Variants in ERBB4 observed in about 807,000 individuals in gnomAD.
ERBB4 encodes the protein erb-b2 receptor tyrosine kinase 4.
A neutral mutation model predicts 158.0 loss-of-function variants in ERBB4; 42 were observed. The observed-to-expected ratio is 0.27, with a 90% CI of 0.21 to 0.34. The LOEUF is 0.34. Among genes scored for constraint, ERBB4 ranks in the 10% least tolerant of loss-of-function variants. The pLI, the probability that ERBB4 is intolerant of heterozygous loss-of-function variation, is 1.00. For synonymous variants in ERBB4, 583 were observed against 558.7 expected, an observed-to-expected ratio of 1.04 and a Z score of -0.61; for missense variants, 1,333 against 1,624.1, an observed-to-expected ratio of 0.82 and a Z score of 3.08.
chr2:211,478,832 C>A (rs530803217), intron 20 of ERBB4, among the ~76,000 whole-genome samples: 1 of 152,128 alleles, frequency 6.6e-6, no homozygotes, highest in Non-Finnish European at 1.5e-5. Context: ...TCTTCAGAAA[C>A]AAAACCAATT....
intron 25 of ERBB4, among the ~76,000 whole-genome samples, chr2:211,390,916 C>G (rs1385381040): frequency 1.3e-5 from 2 of 152,108 alleles, no homozygotes; most frequent in African/African-American, 4.8e-5. Context: ...TTTCTGTTTC[C>G]ATTTTTTCAG....
chr2:211,445,205 C>T (rs2125462135), intron 20 of ERBB4, among the ~76,000 whole-genome samples: 1 of 152,190 alleles, frequency 6.6e-6, no homozygotes, highest in Admixed American at 6.6e-5. Context: ...TCAGATTTGG[C>T]AGTTGTGTGG....
chr2:211,393,740 C>CGTGTGT (rs58472959), intron 25 of ERBB4, among the ~76,000 whole-genome samples: 53 of 146,352 alleles, frequency 3.6e-4, no homozygotes, highest in Admixed American at 9.6e-4. Flanking sequence ...GAGTTAATAG[C>CGTGTGT]GTGTGTGTGT....
intron 19 of ERBB4, among the ~76,000 whole-genome samples, chr2:211,610,038 A>G (rs1227653041): frequency 6.6e-6 from 1 of 152,034 alleles, no homozygotes; most frequent in Non-Finnish European, 1.5e-5. Flanking sequence ...TTGTAATACC[A>G]TTTTTAGCAA....
chr2:212,009,934 G>A (rs1219394686), intron 2 of ERBB4, among the ~76,000 whole-genome samples: 1 of 152,118 alleles, frequency 6.6e-6, no homozygotes, highest in East Asian at 1.9e-4. Flanking sequence ...AGCCATATCT[G>A]TATTCTAATT....
chr2:212,327,420 T>C (rs1247102990), intron 1 of ERBB4, among the ~76,000 whole-genome samples: 1 of 151,926 alleles, frequency 6.6e-6, no homozygotes, highest in Non-Finnish European at 1.5e-5. Context: ...TAATGAGTTA[T>C]GGACTCTGAG....
At position 212,414,640 on chromosome 2, in the gene ERBB4, G is replaced by T. The variant is rs370483489; in HGVS notation, c.82+123809C>A. On this transcript the variant is annotated intron_variant, in intron 1 of 27. Transcript: ENST00000342788. Reference sequence around the variant, plus strand: ...ATTTCTAATCCTAATAAAAATATGAGGTTTAGCAATTCCTTCCTGGTCCTG... The same window carrying T: ...ATTTCTAATCCTAATAAAAATATGATGTTTAGCAATTCCTTCCTGGTCCTG... Among the ~76,000 whole-genome samples the T allele has an allele frequency of 8.6e-4, 131 of 152,214 alleles. 1 individual carries two copies. The South Asian group carries it at 0.027, about 31-fold the overall frequency.
chr2:211,741,452 T>TACACACACACACAC lies in ERBB4; in HGVS notation c.622+9173_622+9186dup, dbSNP rs5838279. Among the ~76,000 whole-genome samples, 475 of 143,284 alleles carry TACACACACACACAC rather than the reference T, an allele frequency of 3.3e-3. 3 individuals are homozygous for TACACACACACACAC. The highest frequency in any genetic ancestry group is 8.8e-3 in the African/African-American group (335 of 38,152). 94.0% of individuals were successfully genotyped at this position (143,284 alleles called of 152,430 possible). On this transcript the variant is annotated intron_variant, in intron 5 of 27. Transcript: ENST00000342788. ...TAATCTATAACTATATATGTAGTTATACACACACACACACACACACACACA... is the reference window on the plus strand; with the variant it reads ...TAATCTATAACTATATATGTAGTTATACACACACACACACACACACACACACACACACACACACA...
chr2:211,430,955 T>A lies in ERBB4; in HGVS notation c.2633A>T (p.Asp878Val). ...CAAAAAGATACCCACCTTTCCTCCA[T>A]CAGCATTGTACTCTTTTTCATCTCC... ...LEGDEKEYNA[D>V]GGKMPIKWMA... Residue 878 changes from aspartate to valine, a missense_variant, in exon 21 of 28, where the codon GAT becomes GTT. Asp to Val is a radical substitution (Grantham distance 152). Transcript: ENST00000342788. 1.2e-6 allele frequency: 2 copies of A among 1,613,530 alleles called. No individual in the cohort carries two copies. The highest frequency in any genetic ancestry group is 1.7e-6 in the Non-Finnish European group (2 of 1,179,482).
chr2:212,028,960 G>A (rs2076838076), intron 2 of ERBB4, among the ~76,000 whole-genome samples: 1 of 152,052 alleles, frequency 6.6e-6, no homozygotes, highest in Non-Finnish European at 1.5e-5. Context: ...TTGAGGACTA[G>A]CTAAAACAGG....
At chr2:211,787,451 G>C (rs2076190531) in intron 4 of ERBB4, among the ~76,000 whole-genome samples, 1 of 152,158 alleles carries the variant, frequency 6.6e-6, no homozygotes, top group African/African-American at 2.4e-5. Context: ...GAGAAATTCA[G>C]TAGTTTATTC....
chr2:212,516,749 C>T (rs1691867646), intron 1 of ERBB4, among the ~76,000 whole-genome samples: 1 of 152,076 alleles, frequency 6.6e-6, no homozygotes, highest in Non-Finnish European at 1.5e-5. Context: ...GTATTAAACT[C>T]TATACTCTTG....
intron 20 of ERBB4, among the ~76,000 whole-genome samples, chr2:211,536,786 T>A (rs1337050995): frequency 6.6e-6 from 1 of 152,030 alleles, no homozygotes; most frequent in Non-Finnish European, 1.5e-5. Flanking sequence ...TCACTCTGAA[T>A]TCTTAGGACT....
At chr2:212,415,781 A>G (rs1247131044) in intron 1 of ERBB4, among the ~76,000 whole-genome samples, 1 of 152,132 alleles carries the variant, frequency 6.6e-6, no homozygotes. Context: ...GCTATTTATA[A>G]TTCTCCTCTT....
chr2:212,108,706 CTTTTTTTT>C (rs775193964), intron 2 of ERBB4, among the ~76,000 whole-genome samples: 4 of 97,054 alleles, frequency 4.1e-5, no homozygotes, highest in Non-Finnish European at 6.1e-5. Context: ...AATGGGTCTG[CTTTTTTTT>C]TTTTTTTTTT....
chr2:212,018,801 A>C (rs2076582335), intron 2 of ERBB4, among the ~76,000 whole-genome samples: 1 of 152,110 alleles, frequency 6.6e-6, no homozygotes, highest in African/African-American at 2.4e-5. Flanking sequence ...CTTGGTCAAA[A>C]CTTTAAGGGT....
intron 12 of ERBB4, among the ~76,000 whole-genome samples, chr2:211,679,737 T>G (rs979782998): frequency 1.3e-5 from 2 of 152,164 alleles, no homozygotes; most frequent in African/African-American, 4.8e-5. Flanking sequence ...CCAAGTGCAG[T>G]GGCATGATCT....
chr2:211,834,475 G>A (rs1260462043), intron 3 of ERBB4, among the ~76,000 whole-genome samples: 1 of 142,962 alleles, frequency 7.0e-6, no homozygotes, highest in African/African-American at 2.5e-5. Flanking sequence ...ATCAACAAGT[G>A]GGTCACTTAA....
At chr2:212,114,354 G>A (rs546965713) in intron 2 of ERBB4, among the ~76,000 whole-genome samples, 5 of 152,120 alleles carry the variant, frequency 3.3e-5, no homozygotes, top group African/African-American at 4.8e-5. Context: ...ATCTGAGAAC[G>A]AGAGAAAGGT....
Sources: gnomAD v4.1 joint callset for allele counts (sites outside exome capture counted in the v4.1 genomes callset) on GRCh38, gnomAD v4.1.1 for gene constraint, MANE v1.5 for transcripts, NCBI Gene and HGNC (gene_info 2026-07-23, HGNC 2026-07-21) for gene names.